NEK7: variants seen among roughly 807,000 people sequenced by gnomAD.
NEK7 encodes the protein NIMA related kinase 7.
Under a neutral mutation model 44.6 loss-of-function variants are expected in NEK7, and 18 were observed. That is an observed-to-expected ratio of 0.40 (90% CI 0.28 to 0.60). NEK7 has a LOEUF of 0.60. Among genes scored for constraint, NEK7 ranks in the 20% least tolerant of loss-of-function variants. The pLI, the probability that NEK7 is intolerant of heterozygous loss-of-function variation, is 0.38. For missense variants in NEK7, 256 were observed against 366.5 expected, an observed-to-expected ratio of 0.70 and a Z score of 2.46; for synonymous variants, 130 against 121.1, an observed-to-expected ratio of 1.07 and a Z score of -0.48.
At position 198,190,814 on chromosome 1, in the gene NEK7, CAT is replaced by C. The variant is rs201998824; in HGVS notation, c.-29+33541_-29+33542del. On this transcript the variant is annotated intron_variant, in intron 1 of 9. Coordinates refer to ENST00000367385, the MANE Select transcript of NEK7 (RefSeq NM_133494.3). ...ATAATTTTTTTTGTTTTATTTCCAA[CAT>C]ATGGAATTTGTTATAATCTTCTTAG... 7.9e-3 allele frequency among the ~76,000 whole-genome samples: 1,207 copies of C among 152,058 alleles called. 4 individuals carry two copies. Among genetic ancestry groups the C allele is most frequent in the Non-Finnish European group, 0.012 (788 of 67,902 alleles).
At chr1:198,232,275 T>A (rs1468891243) in intron 1 of NEK7, among the ~76,000 whole-genome samples, 3 of 152,158 alleles carry the variant, frequency 2.0e-5, no homozygotes, top group African/African-American at 7.2e-5. Context: ...ATCTTTGATC[T>A]AAAAGGCAGA....
chr1:198,277,838 T>C, intron 5 of NEK7, 123 bp from the exon 6 acceptor site: 2 of 611,116 alleles, frequency 3.3e-6, no homozygotes, highest in Non-Finnish European at 5.8e-6. Context: ...AAAGATCATA[T>C]GCTTTTTAGT....
At chr1:198,175,526 A>G (rs1664579766) in intron 1 of NEK7, among the ~76,000 whole-genome samples, 1 of 152,200 alleles carries the variant, frequency 6.6e-6, no homozygotes, top group East Asian at 1.9e-4. Flanking sequence ...CTGGTTTTGA[A>G]GATGGGGCCA....
chr1:198,290,528 G>T (rs898892207), intron 7 of NEK7, among the ~76,000 whole-genome samples: 8 of 152,116 alleles, frequency 5.3e-5, no homozygotes, highest in Admixed American at 1.3e-4. Flanking sequence ...TCTTTGCTCA[G>T]TGTCAGTCAG....
intron 7 of NEK7, among the ~76,000 whole-genome samples, chr1:198,289,058 T>C (rs1056638709): frequency 3.9e-5 from 6 of 152,112 alleles, no homozygotes; most frequent in Non-Finnish European, 7.4e-5. Context: ...CTCCATTCTG[T>C]CTGCCAACAT....
chr1:198,234,174 AC>A (rs1666482115), intron 2 of NEK7, among the ~76,000 whole-genome samples: 1 of 152,056 alleles, frequency 6.6e-6, no homozygotes, highest in Non-Finnish European at 1.5e-5. Context: ...CCAACCAGGG[AC>A]TCAATGAAAT....
Position 198,253,464 on chromosome 1 carries a change from C to T in NEK7, c.198+284C>T, listed in dbSNP as rs564486043. 3.4e-4 allele frequency among the ~76,000 whole-genome samples: 52 copies of T among 152,190 alleles called. 1 individual carries two copies. Among genetic ancestry groups the T allele is most frequent in the Admixed American group, 9.8e-4 (15 of 15,272 alleles). ...ATTTGAGTCATCACCATTACTTCTACCTGGACATTTAACTAGATGTTGAAT... is the reference window on the plus strand; with the variant it reads ...ATTTGAGTCATCACCATTACTTCTATCTGGACATTTAACTAGATGTTGAAT... On this transcript the variant is annotated intron_variant, in intron 3 of 9. Coordinates refer to ENST00000367385, the MANE Select transcript of NEK7 (RefSeq NM_133494.3).
At chr1:198,302,376 A>G (rs955510201) in intron 9 of NEK7, among the ~76,000 whole-genome samples, 5 of 144,026 alleles carry the variant, frequency 3.5e-5, no homozygotes, top group Non-Finnish European at 7.5e-5. Flanking sequence ...TTTTAAAGTT[A>G]GAGAAATGGA....
chr1:198,157,696 G>C (rs1310306323), intron 1 of NEK7, among the ~76,000 whole-genome samples: 1 of 152,228 alleles, frequency 6.6e-6, no homozygotes, highest in South Asian at 2.1e-4. Context: ...CGTCTGTCAG[G>C]ATTCGGCAGC....
At chr1:198,199,931 G>T (rs1056320145) in intron 1 of NEK7, among the ~76,000 whole-genome samples, 6 of 151,780 alleles carry the variant, frequency 4.0e-5, no homozygotes, top group African/African-American at 1.5e-4. Flanking sequence ...AATATATTTA[G>T]ATTTAAATCT....
rs1344913241 is a variant in NEK7, at chr1:198,198,077, G to A, written c.-28-34476G>A. 10 of 1,446,044 alleles carry A rather than the reference G, an allele frequency of 6.9e-6. 1 individual carries two copies. The African/African-American group carries it at 1.3e-4, about 19-fold the overall frequency. 89.6% of individuals were successfully genotyped at this position (1,446,044 alleles called of 1,614,324 possible). A position where few individuals can be genotyped will look rare whatever the true frequency, so the allele number is the denominator to read the frequency against. ...TGGGAGAGGAAGAAAGGGGCCTTGGGGAAAGGGTGGATTGATAGGTGGTGG... is the reference window on the plus strand; with the variant it reads ...TGGGAGAGGAAGAAAGGGGCCTTGGAGAAAGGGTGGATTGATAGGTGGTGG... On this transcript the variant is annotated intron_variant, in intron 1 of 9. Coordinates refer to ENST00000367385, the MANE Select transcript of NEK7 (RefSeq NM_133494.3).
At chr1:198,187,179 G>T (rs17585216) in intron 1 of NEK7, among the ~76,000 whole-genome samples, 1,846 of 152,288 alleles carry the variant, frequency 0.012, 23 homozygotes, top group Non-Finnish European at 0.018. Context: ...CATGTCCTCT[G>T]GGTAGTTTAG....
intron 9 of NEK7, among the ~76,000 whole-genome samples, chr1:198,312,849 T>C (rs1655234131): frequency 6.6e-6 from 1 of 152,098 alleles, no homozygotes; most frequent in Admixed American, 6.5e-5. Context: ...GAGGAGAGCT[T>C]TACTTCCAAG....
intron 9 of NEK7, among the ~76,000 whole-genome samples, chr1:198,300,915 A>G (rs1475197458): frequency 2.0e-5 from 3 of 152,228 alleles, no homozygotes; most frequent in African/African-American, 7.2e-5. Context: ...TTACATAGGC[A>G]TCATTTTCTC....
intron 2 of NEK7, among the ~76,000 whole-genome samples, chr1:198,250,372 T>TAAA (rs1652899364): frequency 6.6e-6 from 1 of 152,180 alleles, no homozygotes; most frequent in South Asian, 2.1e-4. Context: ...GGCTCTTTTT[T>TAAA]GGTTCCATAT....
intron 1 of NEK7, among the ~76,000 whole-genome samples, chr1:198,161,042 C>A (rs1029208980): frequency 6.6e-6 from 1 of 152,076 alleles, no homozygotes; most frequent in African/African-American, 2.4e-5. Flanking sequence ...AAAATAACTG[C>A]CCTGCCATAC....
At chr1:198,223,197 A>G (rs1652129890) in intron 1 of NEK7, among the ~76,000 whole-genome samples, 1 of 152,226 alleles carries the variant, frequency 6.6e-6, no homozygotes, top group African/African-American at 2.4e-5. Flanking sequence ...TGTTTTCAAA[A>G]TATCACTTTG....
rs1048171894 is a variant in NEK7, at chr1:198,212,226, C to T, written c.-28-20327C>T. ...TCATTGGCTGTAACCGATGAGCAAA[C>T]GAAAGGTGTGCTGTAGCCACAGGTG... On this transcript the variant is annotated intron_variant, in intron 1 of 9. Transcript: ENST00000367385. Among the ~76,000 whole-genome samples, 22 of 152,206 alleles carry T rather than the reference C, an allele frequency of 1.4e-4. 2 individuals carry two copies. The South Asian group carries it at 4.4e-3, about 30-fold the overall frequency.
chr1:198,199,505 T>A (rs1410208659), intron 1 of NEK7, among the ~76,000 whole-genome samples: 1 of 152,162 alleles, frequency 6.6e-6, no homozygotes, highest in African/African-American at 2.4e-5. Flanking sequence ...GTTAATTGTG[T>A]GGTTTAACTC....
Sources: allele counts gnomAD v4.1 joint callset (sites outside exome capture counted in the v4.1 genomes callset), GRCh38; gene constraint gnomAD v4.1.1; transcripts MANE v1.5; gene names NCBI Gene and HGNC (gene_info 2026-07-23, HGNC 2026-07-21).